PKP4: variants seen among roughly 807,000 people sequenced by gnomAD.
PKP4 encodes plakophilin 4.
Under a neutral mutation model 145.1 loss-of-function variants are expected in PKP4, and 90 were observed. That is an observed-to-expected ratio of 0.62 (90% CI 0.52 to 0.74). PKP4 has a LOEUF of 0.74. Ranked by LOEUF, PKP4 falls within the 30% of genes least tolerant of loss-of-function variation. The pLI, the probability that PKP4 is intolerant of heterozygous loss-of-function variation, is 0.00. For missense variants in PKP4, 1,340 were observed against 1,482.7 expected, an observed-to-expected ratio of 0.90 and a Z score of 1.58; for synonymous variants, 563 against 577.2, an observed-to-expected ratio of 0.98 and a Z score of 0.35.
intron 11 of PKP4, among the ~76,000 whole-genome samples, chr2:158,644,199 G>T (rs1031423209): frequency 1.3e-5 from 2 of 152,228 alleles, no homozygotes; most frequent in Admixed American, 1.3e-4. Context: ...ATATGAAGTG[G>T]GAGAGCGTGG....
In PKP4 at chr2:158,474,164, T is replaced by C. The variant is rs6704899; in HGVS notation, c.-6+16946T>C. 5.0e-3 allele frequency among the ~76,000 whole-genome samples: 768 copies of C among 152,338 alleles called. 5 individuals carry two copies. Among genetic ancestry groups the C allele is most frequent in the African/African-American group, 0.018 (739 of 41,580 alleles). ...ACAGAAGCTACTCGACGACAGATAT[T>C]CTGCGTTTTACACGTTTGCTGCCCC... On this transcript the variant is annotated intron_variant, in intron 1 of 21. Transcript: ENST00000389759.
At position 158,456,990 on chromosome 2, in the gene PKP4, G is replaced by A. The variant is rs931994502; in HGVS notation, c.-234G>A. ...CCGGGGCTGAGTCCGCGTCGACGCC[G>A]GCCGCGGAGGCGGCACCATGGGCAA... On this transcript the variant is annotated 5_prime_UTR_variant, in exon 1 of 22. Coordinates refer to ENST00000389759, the MANE Select transcript of PKP4 (RefSeq NM_003628.6). 4 of 150,194 alleles carry A rather than the reference G, an allele frequency of 2.7e-5. No individual in the cohort carries two copies. Among genetic ancestry groups the A allele is most frequent in the Non-Finnish European group, 5.9e-5 (4 of 67,354 alleles). The allele number at this position is 150,194 out of a possible 1,614,324, so 9.3% of individuals were successfully genotyped here.
intron 6 of PKP4, among the ~76,000 whole-genome samples, chr2:158,623,204 C>G (rs1479602089): frequency 6.6e-6 from 1 of 152,110 alleles, no homozygotes; most frequent in Admixed American, 6.5e-5. Flanking sequence ...CAAGGTCTCA[C>G]TCTGTCACCC....
At position 158,669,728 on chromosome 2, in the gene PKP4, G is replaced by T; in HGVS notation, c.2737G>T (p.Ala913Ser). ...VRNKELIGKY[A>S]MRDLVNRLPG... is the part of the protein sequence containing the mutation. ...TCTTTTGCCGTTGGCAGGCAAATAC[G>T]CCATGCGAGACCTGGTCAACCGGCT... The change falls in exon 17 of 22, where the codon GCC (alanine) becomes TCC (serine). Residue 913 changes from alanine (A) to serine (S), a missense_variant. Ala to Ser is a moderately conservative substitution (Grantham distance 99). Transcript: ENST00000389759. 1 of 1,572,352 alleles carries T rather than the reference G, an allele frequency of 6.4e-7. No homozygotes were observed.
At position 158,680,692 on chromosome 2, in the gene PKP4, A is replaced by G. The variant is rs201918411; in HGVS notation, c.*15A>G. On this transcript the variant is annotated 3_prime_UTR_variant, in exon 22 of 22. Coordinates refer to ENST00000389759, the MANE Select transcript of PKP4 (RefSeq NM_003628.6). ...CATGGGTGTAGCATCAAGATGCCCA[A>G]CAGAGGAACTCTTTCTTTCTAACCT... is the stretch of plus-strand genomic sequence containing the variant. 220 of 1,589,116 alleles carry G rather than the reference A, an allele frequency of 1.4e-4. No individual in the cohort carries two copies. Among genetic ancestry groups the G allele is most frequent in the Non-Finnish European group, 1.8e-4 (212 of 1,169,704 alleles).
intron 1 of PKP4, among the ~76,000 whole-genome samples, chr2:158,495,527 A>G (rs946351577): frequency 6.6e-6 from 1 of 152,010 alleles, no homozygotes; most frequent in African/African-American, 2.4e-5. Flanking sequence ...AGCCATTAGT[A>G]ATAACTATGT....
At chr2:158,532,162 T>G (rs2043611178) in intron 1 of PKP4, among the ~76,000 whole-genome samples, 1 of 152,214 alleles carries the variant, frequency 6.6e-6, no homozygotes, top group African/African-American at 2.4e-5. Context: ...GTTAATTGAT[T>G]ATAAATGAAT....
chr2:158,674,058 C>T (rs1216677802), intron 19 of PKP4, 58 bp downstream of exon 19: 5 of 950,824 alleles, frequency 5.3e-6, no homozygotes, highest in Admixed American at 5.1e-5. Flanking sequence ...ACATTGTTCC[C>T]CAGCCAGAGA....
chr2:158,473,357 A>G (rs780462841), intron 1 of PKP4, among the ~76,000 whole-genome samples: 2 of 152,220 alleles, frequency 1.3e-5, no homozygotes, highest in African/African-American at 4.8e-5. Context: ...ACACATGCAC[A>G]CAGATGTTCA....
chr2:158,655,511 C>G (rs999755259), intron 11 of PKP4, among the ~76,000 whole-genome samples: 13 of 152,086 alleles, frequency 8.5e-5, no homozygotes, highest in African/African-American at 3.1e-4. Context: ...ATGTTTTCAC[C>G]TGAAGTTTGT....
intron 2 of PKP4, among the ~76,000 whole-genome samples, chr2:158,551,105 TA>T (rs1187148405): frequency 6.6e-6 from 1 of 152,266 alleles, no homozygotes; most frequent in Non-Finnish European, 1.5e-5. Flanking sequence ...TATTATTCTG[TA>T]ATGTAACTCT....
At chr2:158,565,459 T>C (rs2046893487) in intron 2 of PKP4, among the ~76,000 whole-genome samples, 1 of 150,684 alleles carries the variant, frequency 6.6e-6, no homozygotes, top group African/African-American at 2.4e-5. Context: ...TTTCCTTTTC[T>C]GCCCTATAGA....
intron 3 of PKP4, among the ~76,000 whole-genome samples, chr2:158,594,814 C>T (rs1262118162): frequency 6.6e-6 from 1 of 152,082 alleles, no homozygotes; most frequent in Non-Finnish European, 1.5e-5. Flanking sequence ...TCATTACTGC[C>T]TGGATTTGTG....
intron 1 of PKP4, among the ~76,000 whole-genome samples, chr2:158,515,294 T>G (rs2041842598): frequency 6.6e-6 from 1 of 152,052 alleles, no homozygotes; most frequent in South Asian, 2.1e-4. Flanking sequence ...TTCTGGAAAA[T>G]CATTTATTCA....
chr2:158,466,712 AATT>A (rs1465930349), intron 1 of PKP4, among the ~76,000 whole-genome samples: 1 of 152,186 alleles, frequency 6.6e-6, no homozygotes, highest in African/African-American at 2.4e-5. Flanking sequence ...TTCAAAAAGA[AATT>A]AATTAGAAGA....
At chr2:158,525,753 A>G (rs1250156389) in intron 1 of PKP4, among the ~76,000 whole-genome samples, 3 of 146,318 alleles carry the variant, frequency 2.1e-5, no homozygotes, top group African/African-American at 5.1e-5. Context: ...TAATAAAGAA[A>G]AAAAGAGAGG....
intron 1 of PKP4, among the ~76,000 whole-genome samples, chr2:158,481,780 G>T (rs899808046): frequency 1.3e-5 from 2 of 152,144 alleles, no homozygotes; most frequent in Admixed American, 1.3e-4. Context: ...TTTAGGGAGA[G>T]AATTTTGTAG....
In PKP4 at chr2:158,673,421, G is replaced by A. The variant is rs181848545; in HGVS notation, c.2925-256G>A. 7.1e-4 allele frequency among the ~76,000 whole-genome samples: 108 copies of A among 152,318 alleles called. 1 individual carries two copies. Among genetic ancestry groups the A allele is most frequent in the African/African-American group, 2.5e-3 (104 of 41,574 alleles). ...ACACCTACAGAGATCCTCAGCTCAG[G>A]TTCGTCCCGGCCACAGCTGCTCCAC... On this transcript the variant is annotated intron_variant, in intron 17 of 21. Coordinates refer to ENST00000389759, the MANE Select transcript of PKP4 (RefSeq NM_003628.6).
intron 10 of PKP4, 47 bp from the exon 11 acceptor site, chr2:158,642,439 T>TA: frequency 7.3e-7 from 1 of 1,365,250 alleles, no homozygotes; most frequent in Non-Finnish European, 1.0e-6. Flanking sequence ...TGATCACTGA[T>TA]TAATTGCATG....
Sources: gnomAD v4.1 joint callset for allele counts (sites outside exome capture counted in the v4.1 genomes callset) on GRCh38, gnomAD v4.1.1 for gene constraint, MANE v1.5 for transcripts, NCBI Gene and HGNC (gene_info 2026-07-23, HGNC 2026-07-21) for gene names.